The following FBXL17 variants were observed in gnomAD, a reference collection of about 807,000 sequenced individuals.
FBXL17 encodes F-box and leucine rich repeat protein 17.
FBXL17 carries 22 observed loss-of-function variants against 66.2 expected under a neutral mutation model. The observed-to-expected ratio is 0.33, with a 90% CI of 0.24 to 0.47. FBXL17 has a LOEUF of 0.47. FBXL17 is among the 20% of genes least tolerant of loss of function. The pLI is 1.00. For synonymous variants in FBXL17, 474 were observed against 400.5 expected (o/e 1.18, Z -2.19); for missense variants, 878 against 948.2 (o/e 0.93, Z 0.97).
At chr5:108,358,860 A>G (rs1293011087) in intron 3 of FBXL17, among the ~76,000 whole-genome samples, 1 of 151,932 alleles carries the variant, frequency 6.6e-6, no homozygotes, top group Non-Finnish European at 1.5e-5. Context: ...CTCCTTATTT[A>G]TTATAAATAT....
chr5:108,011,825 A>G (rs1754188202), intron 7 of FBXL17, among the ~76,000 whole-genome samples: 2 of 152,172 alleles, frequency 1.3e-5, no homozygotes, highest in African/African-American at 4.8e-5. Context: ...CTCTATCTCA[A>G]AAACAAACAA....
At chr5:108,028,763 A>G (rs1024339550) in intron 6 of FBXL17, among the ~76,000 whole-genome samples, 1 of 152,112 alleles carries the variant, frequency 6.6e-6, no homozygotes, top group African/African-American at 2.4e-5. Context: ...TTTTTGGATA[A>G]GCCAAATTCT....
intron 7 of FBXL17, among the ~76,000 whole-genome samples, chr5:108,008,432 A>T (rs1754020926): frequency 6.6e-6 from 1 of 152,182 alleles, no homozygotes; most frequent in East Asian, 1.9e-4. Flanking sequence ...GCTGAAGTAC[A>T]TTTGCCTCAA....
intron 7 of FBXL17, among the ~76,000 whole-genome samples, chr5:107,974,080 G>T (rs1239775847): frequency 6.6e-6 from 1 of 152,128 alleles, no homozygotes; most frequent in African/African-American, 2.4e-5. Flanking sequence ...TATAACCAAG[G>T]TTTTGCAAAG....
chr5:108,330,793 T>C (rs1164355299), intron 4 of FBXL17, among the ~76,000 whole-genome samples: 1 of 152,068 alleles, frequency 6.6e-6, no homozygotes, highest in Non-Finnish European at 1.5e-5. Context: ...CACATACATA[T>C]GCCCACATGA....
At chr5:108,084,786 GT>G (rs1244733486) in intron 6 of FBXL17, among the ~76,000 whole-genome samples, 1 of 152,152 alleles carries the variant, frequency 6.6e-6, no homozygotes, top group Non-Finnish European at 1.5e-5. Context: ...CTGATGTTTT[GT>G]AAAAAACCTA....
At chr5:108,136,426 T>C (rs1319929780) in intron 6 of FBXL17, among the ~76,000 whole-genome samples, 1 of 152,166 alleles carries the variant, frequency 6.6e-6, no homozygotes, top group Non-Finnish European at 1.5e-5. Flanking sequence ...CATTTCTGGG[T>C]ACGCTACAAC....
chr5:108,005,180 G>T (rs960613127), intron 7 of FBXL17, among the ~76,000 whole-genome samples: 1 of 150,780 alleles, frequency 6.6e-6, no homozygotes, highest in Non-Finnish European at 1.5e-5. Context: ...TTGCTGCCTC[G>T]TATTAGCTAG....
chr5:107,957,853 T>C (rs756629880), intron 7 of FBXL17, among the ~76,000 whole-genome samples: 7 of 152,078 alleles, frequency 4.6e-5, no homozygotes, highest in African/African-American at 1.7e-4. Flanking sequence ...TGCTGAAAAA[T>C]GAATCTCCAT....
intron 7 of FBXL17, among the ~76,000 whole-genome samples, chr5:107,904,980 G>C (rs1350395083): frequency 6.6e-6 from 1 of 151,914 alleles, no homozygotes; most frequent in Non-Finnish European, 1.5e-5. Context: ...GAGGAGGGAA[G>C]AGGAAAGGAA....
chr5:108,181,179 T>C (rs770099529), intron 6 of FBXL17, among the ~76,000 whole-genome samples: 1 of 152,168 alleles, frequency 6.6e-6, no homozygotes, highest in Non-Finnish European at 1.5e-5. Flanking sequence ...TATAAAAATG[T>C]TGTAGACCAA....
At chr5:108,193,116 A>G (rs1257700369) in intron 5 of FBXL17, among the ~76,000 whole-genome samples, 2 of 152,238 alleles carry the variant, frequency 1.3e-5, no homozygotes, top group Non-Finnish European at 2.9e-5. Flanking sequence ...TATTGACTTT[A>G]TTGGACCAGG....
At chr5:108,126,651 C>CTCTCTCTCTCTCTCTCTCTCTATATA (rs1554067324) in intron 6 of FBXL17, among the ~76,000 whole-genome samples, 2 of 108,042 alleles carry the variant, frequency 1.9e-5, no homozygotes, top group Non-Finnish European at 2.0e-5. Flanking sequence ...CTCTCTCTCT[C>CTCTCTCTCTCTCTCTCTCTCTATATA]TATATATATA....
chr5:107,894,554 G>A (rs1055058547), intron 7 of FBXL17, among the ~76,000 whole-genome samples: 1 of 152,058 alleles, frequency 6.6e-6, no homozygotes, highest in African/African-American at 2.4e-5. Flanking sequence ...CCGGGGGTAG[G>A]CATGTGTTCC....
intron 4 of FBXL17, among the ~76,000 whole-genome samples, chr5:108,236,988 G>A (rs1755634812): frequency 6.6e-6 from 1 of 152,152 alleles, no homozygotes; most frequent in Non-Finnish European, 1.5e-5. Flanking sequence ...TAGTTTGGTT[G>A]TCTGACTATC....
chr5:107,929,851 G>A (rs1166058928), intron 7 of FBXL17, among the ~76,000 whole-genome samples: 1 of 151,762 alleles, frequency 6.6e-6, no homozygotes, highest in East Asian at 1.9e-4. Context: ...AGAGATGGGA[G>A]CTAGCAATTG....
intron 6 of FBXL17, among the ~76,000 whole-genome samples, chr5:108,072,394 C>T (rs1052017445): frequency 1.3e-5 from 2 of 152,158 alleles, no homozygotes; most frequent in African/African-American, 4.8e-5. Context: ...TTACAGGGCA[C>T]AATCGACAGA....
At chr5:107,898,506 T>C (rs1034207093) in intron 7 of FBXL17, among the ~76,000 whole-genome samples, 1 of 152,190 alleles carries the variant, frequency 6.6e-6, no homozygotes, top group African/African-American at 2.4e-5. Context: ...ATTAACATTT[T>C]TTATTATTAT....
chr5:108,286,285 T>C lies in FBXL17; in HGVS notation c.1507-62057A>G, dbSNP rs138424470. Among the ~76,000 whole-genome samples, 52 of 151,852 alleles carry C rather than the reference T, an allele frequency of 3.4e-4. No individual in the cohort carries two copies. In the East Asian group the frequency reaches 6.4e-3, roughly 19 times the overall value. ...ATATTCAACATAGTACTGGAAGTCA[T>C]AGACAAGCAATTAGGCAAGAAAAAG... On this transcript the variant is annotated intron_variant, in intron 4 of 8. Coordinates refer to ENST00000542267, the MANE Select transcript of FBXL17 (RefSeq NM_001163315.3).
Sources: allele counts gnomAD v4.1 joint callset (sites outside exome capture counted in the v4.1 genomes callset), GRCh38; gene constraint gnomAD v4.1.1; transcripts MANE v1.5; gene names NCBI Gene and HGNC (gene_info 2026-07-23, HGNC 2026-07-21).